SLC2A2: variants seen among roughly 807,000 people sequenced by gnomAD.
SLC2A2 encodes the protein solute carrier family 2 member 2, also known as solute carrier family 2, facilitated glucose transporter member 2.
Under a neutral mutation model 54.5 loss-of-function variants are expected in SLC2A2, and 36 were observed. The observed-to-expected ratio is 0.66, with a 90% confidence interval of 0.51 to 0.87. SLC2A2 has a LOEUF of 0.87. Ranked by LOEUF, SLC2A2 falls within the 40% of genes least tolerant of loss-of-function variation. The pLI is 0.00. For missense variants in SLC2A2, 543 were observed against 624.3 expected (o/e 0.87, Z 1.39); for synonymous variants, 223 against 219.1 (o/e 1.02, Z -0.16).
At chr3:171,005,813 C>G (rs761050627) in intron 6 of SLC2A2, 130 bp downstream of exon 6, 32 of 890,772 alleles carry the variant, frequency 3.6e-5, no homozygotes, top group Non-Finnish European at 5.4e-5. Flanking sequence ...ATGACATGCA[C>G]CAGTCATATA....
In SLC2A2 at chr3:171,004,762, T is replaced by C. The variant is rs373594332; in HGVS notation, c.963+523A>G. ...TTCAATCATGTATTGTCTACCGTCC[T>C]TAGTCAACAATATCATGCCAGTTTA... On this transcript the variant is annotated intron_variant, in intron 7 of 10. Transcript: ENST00000314251. Among the ~76,000 whole-genome samples, 141 of 152,174 alleles carry C rather than the reference T, an allele frequency of 9.3e-4. 2 individuals carry two copies. In the South Asian group the frequency reaches 0.029, roughly 31 times the overall value.
At chr3:171,017,305 A>C (rs1002974387) in intron 2 of SLC2A2, among the ~76,000 whole-genome samples, 16 of 152,320 alleles carry the variant, frequency 1.1e-4, no homozygotes, top group Admixed American at 9.2e-4. Context: ...CACCCACACA[A>C]AAAAGATATG....
At chr3:171,012,100 A>G (rs1715911403) in intron 3 of SLC2A2, among the ~76,000 whole-genome samples, 1 of 152,174 alleles carries the variant, frequency 6.6e-6, no homozygotes, top group South Asian at 2.1e-4. Context: ...TGTCGTGGTC[A>G]TGGTCATTGT....
At chr3:171,006,601 G>A (rs10513685) in intron 5 of SLC2A2, among the ~76,000 whole-genome samples, 30,982 of 151,854 alleles carry the variant, frequency 0.2, 4,246 homozygotes, top group African/African-American at 0.39. Flanking sequence ...CTGTCTTGGC[G>A]ATTCCTATGG....
Position 171,002,588 on chromosome 3 carries a change from G to GAA in SLC2A2, c.1054_1055dup (p.Thr353SerfsTer19). ...GGCATTGACTTACAGAGACAGCAGT[G>GAA]AAAACCATGTTTACAGCGCCAACTC... On this transcript the variant is annotated frameshift_variant, in exon 8 of 11. Coordinates refer to ENST00000314251, the MANE Select transcript of SLC2A2 (RefSeq NM_000340.2). LOFTEE classifies it high-confidence loss of function. The GAA allele has an allele frequency of 1.2e-6, 2 of 1,605,178 alleles. No individual in the cohort carries two copies. Among genetic ancestry groups the GAA allele is most frequent in the Non-Finnish European group, 1.7e-6 (2 of 1,173,004 alleles).
intron 1 of SLC2A2, among the ~76,000 whole-genome samples, 163 bp from the exon 2 acceptor site, chr3:171,018,786 C>T (rs1716280094): frequency 6.6e-6 from 1 of 152,018 alleles, no homozygotes; most frequent in Non-Finnish European, 1.5e-5. Flanking sequence ...AGGTGTTGTT[C>T]ATACAAGAAT....
In SLC2A2 at chr3:171,002,660, G is replaced by A. The variant is rs1715394341; in HGVS notation, c.984C>T (p.Ser328=). 7 of 1,606,880 alleles carry A rather than the reference G, an allele frequency of 4.4e-6. No individual in the cohort carries two copies. Among genetic ancestry groups the A allele is most frequent in the Non-Finnish European group, 6.0e-6 (7 of 1,175,490 alleles). The change falls in exon 8 of 11, where the codon AGC becomes AGT. Residue 328 remains serine (S), a synonymous_variant. Transcript: ENST00000314251. The stretch of plus-strand genomic sequence containing the variant: ...TGCTGATACCAGCCGTCTGAAAAAT[G>A]CTGGTTGAGTAGTAAAAAATCTGCA... ...GINGIFYYST[S]IFQTAGISKP...
intron 3 of SLC2A2, among the ~76,000 whole-genome samples, chr3:171,012,243 A>G (rs966801747): frequency 1.3e-5 from 2 of 152,176 alleles, no homozygotes; most frequent in African/African-American, 4.8e-5. Context: ...TGAGGTAGGT[A>G]TTATTTTTGT....
At position 170,998,092 on chromosome 3, in the gene SLC2A2, T is replaced by C. The variant is rs1034983128; in HGVS notation, c.1386A>G (p.Gly462=). The C allele has an allele frequency of 1.2e-6, 2 of 1,613,520 alleles. No homozygotes were observed. Among genetic ancestry groups the C allele is most frequent in the African/African-American group, 2.7e-5 (2 of 74,990 alleles). ...CAGCAAAGAGGAAAAACACATAAGG[T>C]CCACAGAAGTCCTGGATAGAAAGCA... The part of the protein sequence containing the change: ...LCFQYIADFC[G]PYVFFLFAGV... The change falls in exon 11 of 11, where the codon GGA becomes GGG. Residue 462 remains glycine, a synonymous_variant. Coordinates refer to ENST00000314251, the MANE Select transcript of SLC2A2 (RefSeq NM_000340.2).
intron 3 of SLC2A2, among the ~76,000 whole-genome samples, chr3:171,013,996 A>G (rs919921854): frequency 6.6e-6 from 1 of 152,200 alleles, no homozygotes; most frequent in Non-Finnish European, 1.5e-5. Context: ...ACATTGGGCA[A>G]TTGGGAGTTG....
rs146970835 is a variant in SLC2A2 at position 171,006,960 on chromosome 3, C to T, written c.612+188G>A. 7.2e-4 allele frequency among the ~76,000 whole-genome samples: 110 copies of T among 152,094 alleles called. 1 individual carries two copies. Among genetic ancestry groups the T allele is most frequent in the Middle Eastern group, 3.4e-3 (1 of 294 alleles). The stretch of plus-strand genomic sequence containing the variant: ...TTGAACGAAAAACTCTATGTCTCTA[C>T]ACCACCTCCACTACCACTGGTAGAA... On this transcript the variant is annotated intron_variant, in intron 5 of 10. Transcript: ENST00000314251.
chr3:171,009,871 G>A, intron 4 of SLC2A2, 87 bp downstream of exon 4: 1 of 1,503,300 alleles, frequency 6.7e-7, no homozygotes, highest in South Asian at 1.2e-5. Flanking sequence ...ATCCCTGAGT[G>A]CTACCACATC....
chr3:171,002,402 A>G (rs75737517), intron 8 of SLC2A2, among the ~76,000 whole-genome samples, 174 bp downstream of exon 8: 1,707 of 152,122 alleles, frequency 0.011, 37 homozygotes, highest in African/African-American at 0.039. Flanking sequence ...GCCTAATCTC[A>G]ATGCAGTGGT....
Position 170,998,085 on chromosome 3 carries a change from C to T in SLC2A2, c.1393G>A (p.Val465Met). 6.2e-7 allele frequency: 1 copy of T among 1,613,596 alleles called. No individual in the cohort carries two copies. The highest frequency in any genetic ancestry group is 1.1e-5 in the South Asian group (1 of 91,068). ...QYIADFCGPY[V>M]FFLFAGVLLA... ...AGCACTCCAGCAAAGAGGAAAAACA[C>T]ATAAGGTCCACAGAAGTCCTGGATA... Residue 465 changes from valine (V) to methionine (M), a missense_variant, in exon 11 of 11, where the codon GTG becomes ATG. Coordinates refer to ENST00000314251, the MANE Select transcript of SLC2A2 (RefSeq NM_000340.2).
intron 3 of SLC2A2, among the ~76,000 whole-genome samples, chr3:171,010,910 T>C (rs1464949801): frequency 6.6e-6 from 1 of 152,040 alleles, no homozygotes; most frequent in Non-Finnish European, 1.5e-5. Context: ...GAAAGCGAGG[T>C]ACACAGAAAA....
At chr3:171,019,465 AATGAAAC>A (rs1434344125) in intron 1 of SLC2A2, among the ~76,000 whole-genome samples, 2 of 152,108 alleles carry the variant, frequency 1.3e-5, no homozygotes, top group Non-Finnish European at 2.9e-5. Flanking sequence ...ATGTAGTTAC[AATGAAAC>A]TGTGTAGAAA....
chr3:171,026,552 T>G, intron 1 of SLC2A2, 104 bp downstream of exon 1: 1 of 889,042 alleles, frequency 1.1e-6, no homozygotes, highest in Non-Finnish European at 1.9e-6. Context: ...TTTTGATCTG[T>G]GGTAGCTACA....
At position 170,997,258 on chromosome 3, in the gene SLC2A2, T is replaced by C. The variant is rs963604486; in HGVS notation, c.*645A>G. 2 of 152,224 alleles carry C rather than the reference T, an allele frequency of 1.3e-5. No homozygotes were observed. Among genetic ancestry groups the C allele is most frequent in the Admixed American group, 1.3e-4 (2 of 15,260 alleles). 9.4% of individuals were successfully genotyped at this position (152,224 alleles called of 1,614,324 possible). On this transcript the variant is annotated 3_prime_UTR_variant, in exon 11 of 11. Coordinates refer to ENST00000314251, the MANE Select transcript of SLC2A2 (RefSeq NM_000340.2). The stretch of plus-strand genomic sequence containing the variant: ...CCATTAAATAAAGGAACTAAAATGG[T>C]TTTCTTTTCTGAGTGCTGAAAGATT...
At chr3:171,018,123 G>C (rs1716237826) in intron 2 of SLC2A2, among the ~76,000 whole-genome samples, 1 of 152,086 alleles carries the variant, frequency 6.6e-6, no homozygotes. Flanking sequence ...AAATAAGCAG[G>C]TGCTCAAAAA....
Sources: gnomAD v4.1 joint callset for allele counts (sites outside exome capture counted in the v4.1 genomes callset) on GRCh38, gnomAD v4.1.1 for gene constraint, MANE v1.5 for transcripts, NCBI Gene and HGNC (gene_info 2026-07-23, HGNC 2026-07-21) for gene names.